The following STK3 variants were observed in gnomAD, a reference collection of about 807,000 sequenced individuals.
STK3 encodes serine/threonine kinase 3.
Under a neutral mutation model 58.0 loss-of-function variants are expected in STK3, and 41 were observed. The observed-to-expected ratio is 0.71, with a 90% CI of 0.55 to 0.92. The LOEUF (loss-of-function observed/expected upper bound fraction) is 0.92. Ranked by LOEUF, STK3 falls within the 40% of genes least tolerant of loss-of-function variation. STK3 has a pLI of 0.00. For missense variants in STK3, 479 were observed against 602.7 expected, an observed-to-expected ratio of 0.79 and a Z score of 2.15; for synonymous variants, 170 against 191.0, an observed-to-expected ratio of 0.89 and a Z score of 0.91.
chr8:98,669,439 G>C (rs1822640574), intron 6 of STK3, among the ~76,000 whole-genome samples: 1 of 152,140 alleles, frequency 6.6e-6, no homozygotes, highest in South Asian at 2.1e-4. Flanking sequence ...GTTCAGATGT[G>C]TGTTTTTGGT....
At chr8:98,648,914 G>A (rs564658337) in intron 6 of STK3, among the ~76,000 whole-genome samples, 9 of 151,364 alleles carry the variant, frequency 5.9e-5, no homozygotes, top group African/African-American at 1.5e-4. Flanking sequence ...AAATTAGCCC[G>A]GGCATGGTGG....
At chr8:98,874,915 C>A (rs574723013) in intron 3 of STK3, among the ~76,000 whole-genome samples, 1 of 149,732 alleles carries the variant, frequency 6.7e-6, no homozygotes, top group East Asian at 1.9e-4. Flanking sequence ...TGAGCCACCA[C>A]AACTGGCCCT....
At chr8:98,724,396 GGCATGTGCAAAGGCACTGA>G (rs1301576587) in intron 4 of STK3, among the ~76,000 whole-genome samples, 1 of 152,178 alleles carries the variant, frequency 6.6e-6, no homozygotes, top group East Asian at 1.9e-4. Flanking sequence ...AGATACATAA[GGCATGTGCAAAGGCACTGA>G]GCATAAAAAT....
downstream of STK3, among the ~76,000 whole-genome samples, chr8:98,369,094 T>C (rs1817589152): frequency 6.6e-6 from 1 of 152,204 alleles, no homozygotes; most frequent in African/African-American, 2.4e-5. Flanking sequence ...CCCTTCCCCC[T>C]AATATTCTGT....
At chr8:98,561,437 T>G (rs1219570708) in intron 8 of STK3, among the ~76,000 whole-genome samples, 1 of 152,122 alleles carries the variant, frequency 6.6e-6, no homozygotes, top group African/African-American at 2.4e-5. Context: ...CTATGGGACC[T>G]TGAGTTTGGT....
Position 98,761,826 on chromosome 8 carries a change from A to T in STK3, c.236+5417T>A, listed in dbSNP as rs538194963. ...GTGATTTTGAAACTTTTGATTTTTT[A>T]TTTATTTATTTATTTATTTATTTGC... On this transcript the variant is annotated intron_variant, in intron 3 of 10. Transcript: ENST00000419617. Among the ~76,000 whole-genome samples the T allele has an allele frequency of 8.7e-5, 13 of 149,220 alleles. 1 individual carries two copies. Among genetic ancestry groups the T allele is most frequent in the Admixed American group, 5.3e-4 (8 of 15,142 alleles).
intron 10 of STK3, among the ~76,000 whole-genome samples, chr8:98,523,039 A>C (rs1825480966): frequency 6.6e-6 from 1 of 152,142 alleles, no homozygotes; most frequent in African/African-American, 2.4e-5. Context: ...CCCTGCTTTC[A>C]CTTCTTTGGT....
At chr8:98,409,157 T>G (rs550823467) in intron 3 of STK3, among the ~76,000 whole-genome samples, 20 of 152,194 alleles carry the variant, frequency 1.3e-4, no homozygotes, top group Non-Finnish European at 2.6e-4. Flanking sequence ...TGATGCCCCT[T>G]GGAGAATGCT....
At chr8:98,572,447 T>C (rs1447694904) in intron 8 of STK3, among the ~76,000 whole-genome samples, 2 of 152,204 alleles carry the variant, frequency 1.3e-5, no homozygotes, top group Non-Finnish European at 2.9e-5. Flanking sequence ...AAGAGATGTG[T>C]AGTCTATGAT....
intron 3 of STK3, among the ~76,000 whole-genome samples, chr8:98,422,428 G>A (rs1393838326): frequency 4.0e-5 from 6 of 151,828 alleles, no homozygotes; most frequent in East Asian, 1.9e-4. Context: ...ACGCCCCTGC[G>A]CCCTTGCTAC....
intron 1 of STK3, among the ~76,000 whole-genome samples, chr8:98,804,653 C>A (rs1833794547): frequency 6.6e-6 from 1 of 152,208 alleles, no homozygotes; most frequent in Admixed American, 6.5e-5. Context: ...ACTATTACAA[C>A]CATTAACCTA....
rs1375117825 is a variant in STK3, at chr8:98,739,965, C to T, written c.351+9311G>A. ...TGAAGAATGCAGAAGCCTCAGGAGC[C>T]GATGCGATCAACTGGAAGAAAGGGT... On this transcript the variant is annotated intron_variant, in intron 4 of 10. Coordinates refer to ENST00000419617, the MANE Select transcript of STK3 (RefSeq NM_006281.4). Among the ~76,000 whole-genome samples the T allele has an allele frequency of 4.6e-5, 7 of 151,116 alleles. No individual in the cohort carries two copies. The East Asian group carries it at 7.8e-4, about 17-fold the overall frequency.
intron 8 of STK3, among the ~76,000 whole-genome samples, chr8:98,578,875 G>T (rs1177627395): frequency 6.6e-6 from 1 of 152,150 alleles, no homozygotes; most frequent in East Asian, 1.9e-4. Context: ...TACAAACCAG[G>T]TGCAGTGGCT....
At position 98,596,560 on chromosome 8, in the gene STK3, T is replaced by TA. The variant is rs143588605; in HGVS notation, c.685-392dup. 3.4e-3 allele frequency among the ~76,000 whole-genome samples: 522 copies of TA among 152,248 alleles called. 2 individuals are homozygous for TA. The highest frequency in any genetic ancestry group is 5.9e-3 in the Non-Finnish European group (399 of 67,992). The stretch of plus-strand genomic sequence containing the variant: ...TATAAGCATTGCTGCTTAAAATGGG[T>TA]AGTAGGAGTCCAATTTGCTTTTGCA... On this transcript the variant is annotated intron_variant, in intron 6 of 10. Transcript: ENST00000419617.
rs56187203 is a variant in STK3, at chr8:98,915,432, C to CTATATATATATATA, written c.-79+26932_-79+26945dup. Among the ~76,000 whole-genome samples the CTATATATATATATA allele has an allele frequency of 7.6e-3, 718 of 94,452 alleles. 15 individuals carry two copies. Among genetic ancestry groups the CTATATATATATATA allele is most frequent in the African/African-American group, 9.4e-3 (167 of 17,822 alleles). The allele number at this position is 94,452 out of a possible 152,430, so 62.0% of individuals were successfully genotyped here. A position where few individuals can be genotyped will look rare whatever the true frequency, so the allele number is the denominator to read the frequency against. On this transcript the variant is annotated intron_variant, in intron 1 of 1. Coordinates refer to the STK3 transcript ENST00000519420. ...GTGAGTTAATACTTAATAAACTTTCCTATATATATATATATATATATATAT... is the reference window on the plus strand; with the variant it reads ...GTGAGTTAATACTTAATAAACTTTCCTATATATATATATATATATATATATATATATATATATAT...
intron 2 of STK3, among the ~76,000 whole-genome samples, chr8:98,767,766 T>A (rs1831038577): frequency 6.6e-6 from 1 of 152,034 alleles, no homozygotes; most frequent in African/African-American, 2.4e-5. Flanking sequence ...CCCCAGAATA[T>A]CAAAAAGTCA....
chr8:98,424,308 C>A (rs1272273676), intron 3 of STK3, among the ~76,000 whole-genome samples: 1 of 152,220 alleles, frequency 6.6e-6, no homozygotes, highest in Non-Finnish European at 1.5e-5. Flanking sequence ...TGTCCCTGAC[C>A]CCAAACTCAC....
At chr8:98,611,591 A>T (rs1418256899) in intron 6 of STK3, among the ~76,000 whole-genome samples, 1 of 152,188 alleles carries the variant, frequency 6.6e-6, no homozygotes, top group African/African-American at 2.4e-5. Flanking sequence ...TGATAAAAAA[A>T]AATTCATATA....
chr8:98,651,071 C>T (rs558793492), intron 6 of STK3, among the ~76,000 whole-genome samples: 12 of 152,242 alleles, frequency 7.9e-5, no homozygotes, highest in East Asian at 5.8e-4. Flanking sequence ...GCCCTGGAGC[C>T]GCCTAACTGG....
Sources: allele counts gnomAD v4.1 joint callset (sites outside exome capture counted in the v4.1 genomes callset), GRCh38; gene constraint gnomAD v4.1.1; transcripts MANE v1.5; gene names NCBI Gene and HGNC (gene_info 2026-07-23, HGNC 2026-07-21).